PITPNC1: variants seen among roughly 807,000 people sequenced by gnomAD.
The protein encoded by PITPNC1 is cytoplasmic phosphatidylinositol transfer protein 1.
In PITPNC1, 18 loss-of-function variants were observed where a neutral mutation model predicts 44.7. The ratio of observed to expected loss-of-function variants is 0.40; its 90% confidence interval spans 0.28 to 0.60. PITPNC1 has a LOEUF of 0.60. Among genes scored for constraint, PITPNC1 ranks in the 20% least tolerant of loss-of-function variants. The probability of loss-of-function intolerance (pLI) is 0.39; values close to 1 mark genes in which losing one functional copy is unlikely to be tolerated. For synonymous variants in PITPNC1, 141 were observed against 149.6 expected, an observed-to-expected ratio of 0.94 and a Z score of 0.42; for missense variants, 290 against 418.4, an observed-to-expected ratio of 0.69 and a Z score of 2.68.
At chr17:67,497,576 GGAGTGCAGT>G (rs1414441596) in intron 1 of PITPNC1, among the ~76,000 whole-genome samples, 2 of 125,914 alleles carry the variant, frequency 1.6e-5, no homozygotes, top group Non-Finnish European at 3.1e-5. Flanking sequence ...TGCCCAAGCT[GGAGTGCAGT>G]GATGTCATCA....
chr17:67,640,784 G>A (rs2042084919), intron 6 of PITPNC1, among the ~76,000 whole-genome samples: 1 of 151,614 alleles, frequency 6.6e-6, no homozygotes, highest in Non-Finnish European at 1.5e-5. Flanking sequence ...GAGCTCAGGA[G>A]TTCGAGACCA....
chr17:67,680,532 A>G (rs1313429370), intron 8 of PITPNC1, among the ~76,000 whole-genome samples: 1 of 151,922 alleles, frequency 6.6e-6, no homozygotes, highest in East Asian at 1.9e-4. Flanking sequence ...CCCGGGAGGC[A>G]GAGGTTGCAG....
chr17:67,645,260 G>C (rs2042134487), intron 6 of PITPNC1, among the ~76,000 whole-genome samples: 3 of 150,062 alleles, frequency 2.0e-5, no homozygotes, highest in African/African-American at 7.4e-5. Context: ...AGAATCACTT[G>C]AACCCTGAAG....
At chr17:67,425,119 A>G (rs1308001091) in intron 1 of PITPNC1, among the ~76,000 whole-genome samples, 1 of 150,730 alleles carries the variant, frequency 6.6e-6, no homozygotes, top group Non-Finnish European at 1.5e-5. Context: ...ATGATAATCC[A>G]CCACACTTCG....
intron 1 of PITPNC1, among the ~76,000 whole-genome samples, chr17:67,468,799 C>T (rs1384805710): frequency 1.3e-5 from 2 of 151,668 alleles, no homozygotes; most frequent in Non-Finnish European, 2.9e-5. Flanking sequence ...CAGGTTCAAG[C>T]GATTCTCCTG....
intron 1 of PITPNC1, 82 bp from the exon 2 acceptor site, chr17:67,532,720 T>C: frequency 8.8e-7 from 1 of 1,135,422 alleles, no homozygotes; most frequent in South Asian, 1.5e-5. Flanking sequence ...ATGTTATTAG[T>C]GGCTTGCCAA....
intron 5 of PITPNC1, among the ~76,000 whole-genome samples, chr17:67,606,834 G>C (rs576615049): frequency 6.6e-6 from 1 of 152,092 alleles, no homozygotes; most frequent in Admixed American, 6.5e-5. Flanking sequence ...AAAAGAGGTG[G>C]AAAGGTGCAA....
intron 4 of PITPNC1, among the ~76,000 whole-genome samples, chr17:67,563,139 G>A (rs1181602977): frequency 1.3e-5 from 2 of 152,198 alleles, no homozygotes; most frequent in Non-Finnish European, 2.9e-5. Flanking sequence ...TGCAAATCTA[G>A]TTTTATTAAT....
rs1161079957 is a variant in PITPNC1 at position 67,544,356 on chromosome 17, G to A, written c.198-7901G>A. Among the ~76,000 whole-genome samples, 7 of 152,170 alleles carry A rather than the reference G, an allele frequency of 4.6e-5. No homozygotes were observed. The East Asian group carries it at 1.4e-3, about 29-fold the overall frequency. ...TGTCACCTTTTCTTTTCACTTCGTCGCTAGCATCTCTCGGATCCCTTCCCA... is the reference window on the plus strand; with the variant it reads ...TGTCACCTTTTCTTTTCACTTCGTCACTAGCATCTCTCGGATCCCTTCCCA... On this transcript the variant is annotated intron_variant, in intron 2 of 8. Transcript: ENST00000581322.
chr17:67,567,349 T>C (rs1325560930), intron 4 of PITPNC1, among the ~76,000 whole-genome samples: 1 of 152,078 alleles, frequency 6.6e-6, no homozygotes, highest in Non-Finnish European at 1.5e-5. Flanking sequence ...CCAGGCGTGG[T>C]GGCAGGTGCC....
intron 5 of PITPNC1, among the ~76,000 whole-genome samples, chr17:67,627,167 C>T (rs1028038267): frequency 5.9e-5 from 9 of 152,258 alleles, no homozygotes; most frequent in South Asian, 2.1e-4. Flanking sequence ...GCAGGAGAAT[C>T]GCTTGAACCC....
chr17:67,595,458 T>G (rs548001682), intron 5 of PITPNC1, among the ~76,000 whole-genome samples: 2 of 152,264 alleles, frequency 1.3e-5, no homozygotes, highest in African/African-American at 2.4e-5. Flanking sequence ...TTTAGTTTTT[T>G]TTTTTTTTTA....
chr17:67,685,893 T>C (rs1435340176), intron 8 of PITPNC1, among the ~76,000 whole-genome samples: 1 of 152,124 alleles, frequency 6.6e-6, no homozygotes, highest in South Asian at 2.1e-4. Flanking sequence ...TGCAGTGGTG[T>C]GATCTCAGCT....
chr17:67,402,683 T>C (rs992934727), intron 1 of PITPNC1, among the ~76,000 whole-genome samples: 2 of 152,222 alleles, frequency 1.3e-5, no homozygotes, highest in African/African-American at 4.8e-5. Flanking sequence ...TGTTTGTTTT[T>C]TGAGTTGGAG....
chr17:67,493,578 C>T (rs745872764), intron 1 of PITPNC1, among the ~76,000 whole-genome samples: 1 of 152,184 alleles, frequency 6.6e-6, no homozygotes, highest in Non-Finnish European at 1.5e-5. Context: ...TAGATTAAAA[C>T]CCAGGGTCCC....
chr17:67,544,987 A>T (rs1020448757), intron 2 of PITPNC1, among the ~76,000 whole-genome samples: 1 of 152,142 alleles, frequency 6.6e-6, no homozygotes, highest in African/African-American at 2.4e-5. Flanking sequence ...TAACTTCTAG[A>T]TATACAAAGA....
In PITPNC1 at chr17:67,455,319, A is replaced by G. The variant is rs573530279; in HGVS notation, c.48+77117A>G. On this transcript the variant is annotated intron_variant, in intron 1 of 8. Coordinates refer to ENST00000581322, the MANE Select transcript of PITPNC1 (RefSeq NM_012417.4). ...TTAATGCTGTTTTGAATTTTTCACC[A>G]TTAGACTGAACTCAGCAATAACCTG... 3.9e-5 allele frequency among the ~76,000 whole-genome samples: 6 copies of G among 152,348 alleles called. No individual in the cohort carries two copies. The East Asian group carries it at 1.2e-3, about 29-fold the overall frequency.
At chr17:67,666,454 C>T (rs911419155) in intron 6 of PITPNC1, among the ~76,000 whole-genome samples, 3 of 152,094 alleles carry the variant, frequency 2.0e-5, no homozygotes, top group South Asian at 2.1e-4. Flanking sequence ...TTAAGGCTCA[C>T]GAGAGAGGTG....
intron 1 of PITPNC1, among the ~76,000 whole-genome samples, chr17:67,526,009 TG>T (rs1385493683): frequency 2.6e-5 from 4 of 152,230 alleles, no homozygotes; most frequent in Non-Finnish European, 5.9e-5. Flanking sequence ...TTCTGTTTCC[TG>T]ACCTGGGGCC....
Sources: gnomAD v4.1 joint callset for allele counts (sites outside exome capture counted in the v4.1 genomes callset) on GRCh38, gnomAD v4.1.1 for gene constraint, MANE v1.5 for transcripts, NCBI Gene and HGNC (gene_info 2026-07-23, HGNC 2026-07-21) for gene names.